CCDC88A: variants seen among roughly 807,000 people sequenced by gnomAD.
The protein encoded by CCDC88A is girdin.
Under a neutral mutation model 234.3 loss-of-function variants are expected in CCDC88A, and 54 were observed. The ratio of observed to expected loss-of-function variants is 0.23; its 90% CI spans 0.19 to 0.29. The LOEUF (loss-of-function observed/expected upper bound fraction) is 0.29. CCDC88A is among the 10% of genes least tolerant of loss of function. CCDC88A has a pLI of 1.00. For missense variants in CCDC88A, 1,832 were observed against 2,123.4 expected, an observed-to-expected ratio of 0.86 and a Z score of 2.70; for synonymous variants, 753 against 737.8, an observed-to-expected ratio of 1.02 and a Z score of -0.33.
chr2:55,394,363 G>C (rs1574442994), intron 2 of CCDC88A: 2 of 152,084 alleles, frequency 1.3e-5, no homozygotes, highest in South Asian at 2.1e-4. Context: ...CCAAGTCTTT[G>C]CTATTGTGAA....
At position 55,309,650 on chromosome 2, in the gene CCDC88A, G is replaced by A. The variant is rs1391871437; in HGVS notation, c.4080-396C>T. Reference sequence around the variant, plus strand: ...CCATTTCCTGACTCCAGCAATGCATGAGTCATCGCATCCTAGTCTCATTGT... The same window carrying A: ...CCATTTCCTGACTCCAGCAATGCATAAGTCATCGCATCCTAGTCTCATTGT... On this transcript the variant is annotated intron_variant, in intron 23 of 32. Coordinates refer to ENST00000436346, the MANE Select transcript of CCDC88A (RefSeq NM_001365480.1). This position sits in a 1 kb window ranked among gnomAD's most constrained non-coding sequence, Gnocchi z 5.1. Among the ~76,000 whole-genome samples the A allele has an allele frequency of 6.6e-6, 1 of 152,056 alleles. No individual in the cohort carries two copies. The highest frequency in any genetic ancestry group is 2.4e-5 in the African/African-American group (1 of 41,404).
chr2:55,372,146 G>A (rs1672937572), intron 5 of CCDC88A, among the ~76,000 whole-genome samples: 1 of 151,852 alleles, frequency 6.6e-6, no homozygotes, highest in Non-Finnish European at 1.5e-5. Flanking sequence ...GATGTTTTGG[G>A]AGCGGTTTTT....
rs769292150 is a variant in CCDC88A, at chr2:55,363,911, C to T, written c.486+39G>A. On this transcript the variant is annotated intron_variant, in intron 6 of 32. Transcript: ENST00000436346. ...GATAGACAAATAAACACACCACAAGCTTCATAAATAGCACGTAAAATTGTA... is the reference window on the plus strand; with the variant it reads ...GATAGACAAATAAACACACCACAAGTTTCATAAATAGCACGTAAAATTGTA... 4 of 1,113,422 alleles carry T rather than the reference C, an allele frequency of 3.6e-6. No individual in the cohort carries two copies. The Admixed American group carries it at 8.0e-5, about 22-fold the overall frequency. The allele number at this position is 1,113,422 out of a possible 1,614,324, so 69.0% of individuals were successfully genotyped here. A position where few individuals can be genotyped will look rare whatever the true frequency, so the allele number is the denominator to read the frequency against.
At chr2:55,394,173 G>A (rs1458293930) in intron 2 of CCDC88A, 3 of 152,158 alleles carry the variant, frequency 2.0e-5, no homozygotes, top group South Asian at 2.1e-4. Flanking sequence ...GTGAGAACAT[G>A]CGGTGTTTGG....
At chr2:55,355,466 T>TTG (rs1553413997) in intron 8 of CCDC88A, 113 bp downstream of exon 8, 12 of 815,072 alleles carry the variant, frequency 1.5e-5, no homozygotes, top group Middle Eastern at 4.5e-4. Flanking sequence ...TTTTCTCATT[T>TTG]ACTTGTGAAA....
In CCDC88A at chr2:55,299,846, T is replaced by G. The variant is rs2104566451; in HGVS notation, c.4818A>C (p.Glu1606Asp). 6.2e-7 allele frequency: 1 copy of G among 1,608,794 alleles called. No homozygotes were observed. ...AATTTACCTACAGCATACCTTTGAC[T>G]TCATGTAGTGAAGCATTATTATTGC... ...SNSNNNASLH[E>D]VKAGAVNNQS... is the part of the protein sequence containing the mutation. Residue 1606 changes from glutamate (E) to aspartate (D), a missense_variant, in exon 29 of 33, where the codon GAA becomes GAC. By Grantham distance (45) the Glu-to-Asp change is conservative. Around this residue, in one of 6 missense-constraint regions of CCDC88A, gnomAD observed 422 missense variants for 416.5 expected, o/e 1.01. Coordinates refer to ENST00000436346, the MANE Select transcript of CCDC88A (RefSeq NM_001365480.1).
intron 8 of CCDC88A, among the ~76,000 whole-genome samples, chr2:55,354,141 T>C (rs1670252436): frequency 8.5e-6 from 1 of 117,464 alleles, no homozygotes; most frequent in Non-Finnish European, 1.7e-5. Context: ...TAAAAAATGG[T>C]ACTTTTTTTT....
intron 18 of CCDC88A, 70 bp downstream of exon 18, chr2:55,322,458 A>G: frequency 3.5e-6 from 3 of 866,930 alleles, no homozygotes; most frequent in Non-Finnish European, 5.2e-6. Flanking sequence ...AAATGTATCT[A>G]AGATAAATAT....
Position 55,360,488 on chromosome 2 carries a change from C to T in CCDC88A, c.627+1820G>A, listed in dbSNP as rs536457195. On this transcript the variant is annotated intron_variant, in intron 7 of 32. Transcript: ENST00000436346. ...CCCGGATAACTGGATATCTCTCCTC[C>T]ACCCTCTCCCAGCTAGCAAGTTGTT... Among the ~76,000 whole-genome samples, 4 of 152,300 alleles carry T rather than the reference C, an allele frequency of 2.6e-5. No homozygotes were observed. In the South Asian group the frequency reaches 8.3e-4, roughly 32 times the overall value.
At chr2:55,358,567 G>A (rs1471926214) in intron 7 of CCDC88A, among the ~76,000 whole-genome samples, 1 of 151,856 alleles carries the variant, frequency 6.6e-6, no homozygotes, top group African/African-American at 2.4e-5. Context: ...CTCTACTTAA[G>A]CCTCCAACTG....
rs541368474 is a variant in CCDC88A at position 55,387,773 on chromosome 2, C to G, written c.273+1005G>C. ...CTCCAGCCTGGGTGACAGTGAGGCT[C>G]CATCTCAAAAAAAAAAAAAAAAAAA... On this transcript the variant is annotated intron_variant, in intron 3 of 32. Transcript: ENST00000436346. 2.7e-5 allele frequency among the ~76,000 whole-genome samples: 3 copies of G among 112,320 alleles called. No homozygotes were observed. The East Asian group carries it at 7.5e-4, about 28-fold the overall frequency. The allele number at this position is 112,320 out of a possible 152,430, so 73.7% of individuals were successfully genotyped here.
chr2:55,367,122 A>G (rs1359835051), intron 5 of CCDC88A, among the ~76,000 whole-genome samples: 1 of 152,234 alleles, frequency 6.6e-6, no homozygotes, highest in Admixed American at 6.5e-5. Context: ...AACCTTAAAG[A>G]CATTACGCTA....
chr2:55,338,684 T>G (rs1668091194), intron 13 of CCDC88A, among the ~76,000 whole-genome samples: 1 of 152,218 alleles, frequency 6.6e-6, no homozygotes, highest in African/African-American at 2.4e-5. Context: ...TAGAATATTT[T>G]GTCATGGCAG....
intron 2 of CCDC88A, among the ~76,000 whole-genome samples, chr2:55,397,951 A>C (rs1020227418): frequency 3.3e-5 from 5 of 152,124 alleles, no homozygotes; most frequent in African/African-American, 1.2e-4. Flanking sequence ...CTGGGTATAA[A>C]AGGAAGGAAT....
Position 55,346,345 on chromosome 2 carries a change from T to A in CCDC88A, c.883-12A>T. 6.7e-7 allele frequency: 1 copy of A among 1,502,814 alleles called. No homozygotes were observed. Among genetic ancestry groups the A allele is most frequent in the Non-Finnish European group, 9.0e-7 (1 of 1,105,360 alleles). The allele number at this position is 1,502,814 out of a possible 1,614,324, so 93.1% of individuals were successfully genotyped here. On this transcript the variant is annotated splice_polypyrimidine_tract_variant and intron_variant, in intron 9 of 32. Coordinates refer to ENST00000436346, the MANE Select transcript of CCDC88A (RefSeq NM_001365480.1). ...AGCAAATTCATGTTCTAAACAAAAA[T>A]TTAAAATTATATTTTAATTATTTTC...
intron 5 of CCDC88A, among the ~76,000 whole-genome samples, chr2:55,367,528 G>GTTT: frequency 2.5e-4 from 25 of 99,852 alleles, no homozygotes; most frequent in Middle Eastern, 6.0e-3. Context: ...TTATTTCCTT[G>GTTT]TTTTTTTTTA....
rs1683145412 is a variant in CCDC88A at position 55,317,629 on chromosome 2, A to G, written c.3537T>C (p.Ser1179=). 1.2e-6 allele frequency: 2 copies of G among 1,609,556 alleles called. No individual in the cohort carries two copies. Among genetic ancestry groups the G allele is most frequent in the Admixed American group, 3.3e-5 (2 of 59,958 alleles). ...GGGCAGACTTCAGAGTTCCATGTTT[A>G]GAGATAAGAGATTCATACTCTGAAG... ...RQASEYESLI[S]KHGTLKSAHK... is the part of the protein sequence containing the mutation. The change falls in exon 20 of 33, where the codon TCT becomes TCC. Residue 1179 remains serine, a synonymous_variant. Transcript: ENST00000436346. This position sits in a 1 kb window ranked among gnomAD's most constrained non-coding sequence, Gnocchi z 4.2.
intron 8 of CCDC88A, chr2:55,350,384 A>T (rs1054609492): frequency 6.6e-6 from 1 of 152,110 alleles, no homozygotes; most frequent in Non-Finnish European, 1.5e-5. Context: ...TAGCCTATAA[A>T]CATCCTCAAA....
intron 6 of CCDC88A, among the ~76,000 whole-genome samples, chr2:55,363,247 G>A (rs1176272798): frequency 1.3e-5 from 2 of 151,772 alleles, no homozygotes; most frequent in African/African-American, 2.4e-5. Context: ...GAGAAAAGAT[G>A]TCCTATGGAA....
Sources: gnomAD v4.1 joint callset for allele counts (sites outside exome capture counted in the v4.1 genomes callset) on GRCh38, gnomAD v4.1.1 for gene constraint, gnomAD v4.1.1 regional missense constraint, Gnocchi (gnomAD v3.1) non-coding constraint, MANE v1.5 for transcripts, NCBI Gene and HGNC (gene_info 2026-07-23, HGNC 2026-07-21) for gene names.